The following ASIC2 variants were observed in gnomAD, a reference collection of about 807,000 sequenced individuals.
ASIC2 encodes acid sensing ion channel subunit 2, also known as acid-sensing ion channel 2.
Under a neutral mutation model 57.3 loss-of-function variants are expected in ASIC2, and 25 were observed. The ratio of observed to expected loss-of-function variants is 0.44; its 90% CI spans 0.32 to 0.61. The LOEUF is 0.61. Ranked by LOEUF, ASIC2 falls within the 20% of genes least tolerant of loss-of-function variation. The pLI, the probability that ASIC2 is intolerant of heterozygous loss-of-function variation, is 0.06. For synonymous variants in ASIC2, 319 were observed against 307.5 expected, an observed-to-expected ratio of 1.04 and a Z score of -0.39; for missense variants, 641 against 738.1, an observed-to-expected ratio of 0.87 and a Z score of 1.52.
chr17:33,992,436 C>T (rs1391512335), intron 1 of ASIC2, among the ~76,000 whole-genome samples: 1 of 152,198 alleles, frequency 6.6e-6, no homozygotes, highest in East Asian at 1.9e-4. Context: ...TTCCTTGACC[C>T]TGCCAGGCTG....
rs984631830 is a variant in ASIC2 at position 33,681,918 on chromosome 17, A to G, written c.555+474060T>C. Reference sequence around the variant, plus strand: ...GTGGCTGGAACATGGTGGAGCCTCAATAAATGATATTTGACCTGTATTAAC... The same window carrying G: ...GTGGCTGGAACATGGTGGAGCCTCAGTAAATGATATTTGACCTGTATTAAC... On this transcript the variant is annotated intron_variant, in intron 1 of 9. Coordinates refer to the ASIC2 transcript ENST00000359872. Among the ~76,000 whole-genome samples the G allele has an allele frequency of 3.9e-5, 6 of 152,306 alleles. No homozygotes were observed. In the East Asian group the frequency reaches 7.7e-4, roughly 20 times the overall value.
chr17:33,856,787 C>T (rs934387265), intron 1 of ASIC2, among the ~76,000 whole-genome samples: 3 of 151,994 alleles, frequency 2.0e-5, no homozygotes, highest in Non-Finnish European at 1.5e-5. Flanking sequence ...TGAGAGACCG[C>T]GACAGGTAGT....
chr17:34,123,202 C>A (rs1460804875), intron 1 of ASIC2, among the ~76,000 whole-genome samples: 1 of 152,148 alleles, frequency 6.6e-6, no homozygotes, highest in African/African-American at 2.4e-5. Context: ...TATTAAGATT[C>A]TCTCTGCTGG....
intron 1 of ASIC2, among the ~76,000 whole-genome samples, chr17:33,176,255 A>G (rs73277881): frequency 0.017 from 2,603 of 152,250 alleles, 63 homozygotes; most frequent in African/African-American, 0.059. Flanking sequence ...TGTCTCCCGC[A>G]TTGGACTGCA....
chr17:34,143,363 T>C (rs1287661874), intron 1 of ASIC2, among the ~76,000 whole-genome samples: 1 of 152,222 alleles, frequency 6.6e-6, no homozygotes, highest in Non-Finnish European at 1.5e-5. Flanking sequence ...ATGTTGAAGC[T>C]TGGTCCCAAA....
chr17:33,458,003 A>G (rs1400131875), intron 1 of ASIC2, among the ~76,000 whole-genome samples: 1 of 152,140 alleles, frequency 6.6e-6, no homozygotes, highest in Non-Finnish European at 1.5e-5. Flanking sequence ...TGGTAGAGGA[A>G]CAAAGTGCTG....
chr17:34,091,334 G>A (rs748504952), intron 1 of ASIC2, among the ~76,000 whole-genome samples: 1 of 152,238 alleles, frequency 6.6e-6, no homozygotes, highest in African/African-American at 2.4e-5. Flanking sequence ...AAACAAGAGG[G>A]GATGAGTGAG....
At chr17:33,212,494 C>T (rs1257422349) in intron 1 of ASIC2, among the ~76,000 whole-genome samples, 1 of 152,214 alleles carries the variant, frequency 6.6e-6, no homozygotes, top group African/African-American at 2.4e-5. Flanking sequence ...CCCTGCAAGA[C>T]TCCTTTCAGA....
intron 1 of ASIC2, among the ~76,000 whole-genome samples, chr17:33,642,488 C>G (rs1906606205): frequency 6.6e-6 from 1 of 152,192 alleles, no homozygotes; most frequent in South Asian, 2.1e-4. Context: ...CAGCACAATG[C>G]CTGCCCCTTG....
chr17:33,892,063 G>T (rs1914975098), intron 1 of ASIC2, among the ~76,000 whole-genome samples: 1 of 152,126 alleles, frequency 6.6e-6, no homozygotes, highest in Non-Finnish European at 1.5e-5. Flanking sequence ...GTTATTAATT[G>T]TCCAGTAGGT....
At chr17:33,052,749 G>A (rs1470727755) in intron 3 of ASIC2, 8 of 152,138 alleles carry the variant, frequency 5.3e-5, no homozygotes, top group Non-Finnish European at 1.2e-4. Context: ...TGCTAACAGT[G>A]AGTTCACTGC....
chr17:34,106,313 GAC>G (rs1911052657), intron 1 of ASIC2, among the ~76,000 whole-genome samples: 1 of 152,028 alleles, frequency 6.6e-6, no homozygotes, highest in Non-Finnish European at 1.5e-5. Context: ...TCTTTTAACT[GAC>G]AGTCAGTATA....
At chr17:34,051,191 A>C (rs1439302695) in intron 1 of ASIC2, among the ~76,000 whole-genome samples, 2 of 152,192 alleles carry the variant, frequency 1.3e-5, no homozygotes, top group Admixed American at 1.3e-4. Context: ...CCCTTTCTCA[A>C]ACAAGCTCAT....
chr17:33,711,676 AAG>A (rs770886520), intron 1 of ASIC2, among the ~76,000 whole-genome samples: 11 of 152,208 alleles, frequency 7.2e-5, no homozygotes, highest in East Asian at 1.9e-4. Context: ...GGAAAAGCTG[AAG>A]AGAGAGAGAG....
At chr17:33,983,283 T>C (rs1233976618) in intron 1 of ASIC2, among the ~76,000 whole-genome samples, 5 of 152,216 alleles carry the variant, frequency 3.3e-5, no homozygotes, top group Non-Finnish European at 7.3e-5. Context: ...ATATATTTAC[T>C]ACCTCTGTCA....
intron 1 of ASIC2, among the ~76,000 whole-genome samples, chr17:33,660,082 C>CA (rs982257406): frequency 1.8e-4 from 28 of 151,484 alleles, no homozygotes; most frequent in Admixed American, 1.6e-3. Context: ...GACTCTGTCG[C>CA]AAAAAACAAA....
chr17:34,154,529 C>T (rs1288459304), intron 1 of ASIC2, among the ~76,000 whole-genome samples: 1 of 152,172 alleles, frequency 6.6e-6, no homozygotes, highest in Non-Finnish European at 1.5e-5. Flanking sequence ...ATGCCCCCGG[C>T]ACTCTGGGCT....
chr17:33,039,926 C>T (rs935979145), intron 3 of ASIC2, among the ~76,000 whole-genome samples: 2 of 152,224 alleles, frequency 1.3e-5, no homozygotes, highest in Admixed American at 1.3e-4. Flanking sequence ...TAAGCAGTTT[C>T]ATCCTATTCT....
At chr17:33,390,092 C>A (rs891646074) in intron 1 of ASIC2, among the ~76,000 whole-genome samples, 1 of 152,040 alleles carries the variant, frequency 6.6e-6, no homozygotes, top group African/African-American at 2.4e-5. Flanking sequence ...GCAGGTGGAT[C>A]ACTTGAGGTC....
Sources: gnomAD v4.1 joint callset for allele counts (sites outside exome capture counted in the v4.1 genomes callset) on GRCh38, gnomAD v4.1.1 for gene constraint, MANE v1.5 for transcripts, NCBI Gene and HGNC (gene_info 2026-07-23, HGNC 2026-07-21) for gene names.